The following SPATA22 variants were observed in gnomAD, a reference collection of about 807,000 sequenced individuals.
SPATA22 encodes the protein spermatogenesis-associated protein 22.
In SPATA22, 29 loss-of-function variants were observed where a neutral mutation model predicts 47.8. That is an observed-to-expected ratio of 0.61 (90% CI 0.45 to 0.83). The LOEUF is 0.83. SPATA22 is among the 40% of genes least tolerant of loss of function. The pLI is 0.00. For missense variants in SPATA22, 410 were observed against 421.7 expected (o/e 0.97, Z 0.24); for synonymous variants, 133 against 140.9 (o/e 0.94, Z 0.40).
At chr17:3,491,573 C>A (rs181011946) in intron 1 of SPATA22, among the ~76,000 whole-genome samples, 5 of 152,108 alleles carry the variant, frequency 3.3e-5, no homozygotes, top group Non-Finnish European at 7.4e-5. Context: ...ATGGGGAAAA[C>A]CTTGTCTCTA....
intron 1 of SPATA22, among the ~76,000 whole-genome samples, chr17:3,509,101 T>C (rs1047644399): frequency 1.3e-5 from 2 of 152,136 alleles, no homozygotes; most frequent in East Asian, 1.9e-4. Context: ...GAGGGATTTA[T>C]ACCTTCTGTT....
chr17:3,484,122 C>T (rs763337700), intron 1 of SPATA22, among the ~76,000 whole-genome samples: 23 of 152,312 alleles, frequency 1.5e-4, no homozygotes, highest in Admixed American at 2.6e-4. Context: ...TGCTGTAATG[C>T]TTGGCCCTTC....
intron 5 of SPATA22, among the ~76,000 whole-genome samples, chr17:3,457,104 C>CA (rs1322065361): frequency 6.6e-6 from 1 of 152,086 alleles, no homozygotes; most frequent in African/African-American, 2.4e-5. Context: ...ACTGAATGGG[C>CA]AAAAACTGGA....
intron 1 of SPATA22, among the ~76,000 whole-genome samples, chr17:3,506,531 C>A (rs998927764): frequency 6.6e-6 from 1 of 152,126 alleles, no homozygotes; most frequent in Admixed American, 6.5e-5. Context: ...AACAGAAAAA[C>A]GTCATTTTTA....
At chr17:3,468,012 C>T (rs2073352524) in intron 2 of SPATA22, among the ~76,000 whole-genome samples, 1 of 152,192 alleles carries the variant, frequency 6.6e-6, no homozygotes, top group African/African-American at 2.4e-5. Context: ...TAAGATTTAT[C>T]TGGAATTCTG....
intron 5 of SPATA22, among the ~76,000 whole-genome samples, chr17:3,452,373 C>G (rs2072883180): frequency 6.6e-6 from 1 of 151,110 alleles, no homozygotes; most frequent in African/African-American, 2.4e-5. Context: ...GCAGGCGGAG[C>G]ACAAGGCCAA....
intron 7 of SPATA22, among the ~76,000 whole-genome samples, chr17:3,444,416 T>C (rs185804046): frequency 1.2e-4 from 18 of 152,176 alleles, no homozygotes; most frequent in Non-Finnish European, 8.8e-5. Flanking sequence ...CAAAGACTCA[T>C]TTGTTAGTTT....
At chr17:3,471,355 A>AAAC in intron 1 of SPATA22, 1 of 896,590 alleles carries the variant, frequency 1.1e-6, no homozygotes, top group South Asian at 5.1e-5. Flanking sequence ...CAAACAGAAT[A>AAAC]AACAACAACA....
intron 1 of SPATA22, chr17:3,510,597 A>G (rs1253501026): frequency 2.6e-5 from 4 of 152,280 alleles, no homozygotes; most frequent in Non-Finnish European, 5.9e-5. Flanking sequence ...TTTCTTGAAC[A>G]TAGAGTTTCG....
upstream of SPATA22, chr17:3,476,468 T>C (rs2073525233): frequency 7.6e-7 from 1 of 1,311,596 alleles, no homozygotes; most frequent in South Asian, 1.2e-5. Flanking sequence ...AGAGAACACA[T>C]ATATGTATAT....
chr17:3,444,655 A>C (rs1267663724), intron 7 of SPATA22, among the ~76,000 whole-genome samples: 1 of 152,068 alleles, frequency 6.6e-6, no homozygotes, highest in Non-Finnish European at 1.5e-5. Flanking sequence ...CTTTGCCTGA[A>C]GTCAGAAACC....
chr17:3,444,581 C>T (rs190999469), intron 7 of SPATA22, among the ~76,000 whole-genome samples: 125 of 152,126 alleles, frequency 8.2e-4, no homozygotes, highest in East Asian at 2.5e-3. Flanking sequence ...ATGAAGCCAA[C>T]GTTATGACTG....
chr17:3,486,734 C>A (rs137989857), intron 1 of SPATA22, among the ~76,000 whole-genome samples: 1 of 152,122 alleles, frequency 6.6e-6, no homozygotes, highest in Non-Finnish European at 1.5e-5. Context: ...AGCAGGTTGG[C>A]AAACAATATA....
At chr17:3,444,306 A>G (rs2072667931) in intron 7 of SPATA22, among the ~76,000 whole-genome samples, 1 of 152,056 alleles carries the variant, frequency 6.6e-6, no homozygotes, top group Admixed American at 6.6e-5. Flanking sequence ...TCCACGAGTG[A>G]ACTGTGACTG....
intron 5 of SPATA22, among the ~76,000 whole-genome samples, chr17:3,460,553 C>T (rs2073102343): frequency 6.6e-6 from 1 of 152,018 alleles, no homozygotes; most frequent in African/African-American, 2.4e-5. Context: ...CTTTGGGAGG[C>T]TGAGGTGAGG....
intron 1 of SPATA22, among the ~76,000 whole-genome samples, chr17:3,486,149 G>A (rs367698276): frequency 6.6e-6 from 1 of 152,130 alleles, no homozygotes; most frequent in African/African-American, 2.4e-5. Flanking sequence ...GGCCAGGCTG[G>A]TTTCGAACTT....
At chr17:3,455,718 G>A in intron 5 of SPATA22, among the ~76,000 whole-genome samples, 2 of 143,502 alleles carry the variant, frequency 1.4e-5, no homozygotes, top group Admixed American at 7.1e-5. Context: ...ATAGTTTGAA[G>A]TCAGGTAGCG....
intron 1 of SPATA22, among the ~76,000 whole-genome samples, chr17:3,491,575 T>C (rs1386920266): frequency 6.6e-6 from 1 of 151,960 alleles, no homozygotes; most frequent in Non-Finnish European, 1.5e-5. Context: ...GGGGAAAACC[T>C]TGTCTCTACT....
intron 5 of SPATA22, among the ~76,000 whole-genome samples, chr17:3,458,366 C>G (rs968345350): frequency 1.3e-5 from 2 of 152,084 alleles, no homozygotes; most frequent in Admixed American, 6.6e-5. Flanking sequence ...TCCTTGTACA[C>G]TCTTGGTGGA....
Sources: allele counts gnomAD v4.1 joint callset (sites outside exome capture counted in the v4.1 genomes callset), GRCh38; gene constraint gnomAD v4.1.1; transcripts MANE v1.5; gene names NCBI Gene and HGNC (gene_info 2026-07-23, HGNC 2026-07-21).